The following PPL variants were observed in gnomAD, a reference collection of about 807,000 sequenced individuals.
PPL encodes periplakin.
A neutral mutation model predicts 194.4 loss-of-function variants in PPL; 198 were observed. That is an observed-to-expected ratio of 1.02 (90% CI 0.91 to 1.15). The LOEUF (loss-of-function observed/expected upper bound fraction) is 1.15. Among genes scored for constraint, PPL ranks in the 50% most tolerant of loss-of-function variants. The pLI is 0.00. For synonymous variants in PPL, 1,220 were observed against 972.4 expected (o/e 1.25, Z -4.74); for missense variants, 2,885 against 2,294.8 (o/e 1.26, Z -5.25).
At chr16:4,892,013 A>G (rs771188689) in intron 15 of PPL, 22 bp downstream of exon 15, 7 of 1,611,590 alleles carry the variant, frequency 4.3e-6, no homozygotes, top group Non-Finnish European at 3.4e-6. Context: ...CCCAACCTCC[A>G]TGCTGCCTGT....
intron 1 of PPL, among the ~76,000 whole-genome samples, chr16:4,920,479 A>T (rs562427166): frequency 6.6e-6 from 1 of 151,930 alleles, no homozygotes; most frequent in Non-Finnish European, 1.5e-5. Context: ...TCTTTTTAAA[A>T]TTTTGAAACA....
chr16:4,901,117 G>A (rs747789204), intron 4 of PPL, 28 bp from the exon 5 acceptor site: 3 of 1,612,268 alleles, frequency 1.9e-6, no homozygotes, highest in Non-Finnish European at 2.5e-6. Flanking sequence ...GAAGCAATAA[G>A]GAGAGGGTGG....
chr16:4,904,016 G>T lies in PPL; in HGVS notation c.187C>A (p.Arg63=). The T allele has an allele frequency of 1.2e-6, 2 of 1,612,482 alleles. No homozygotes were observed. The highest frequency in any genetic ancestry group is 1.1e-5 in the South Asian group (1 of 91,020). ...GTCACGTCCCGGTGCTCAGGCTGCC[G>T]ACCCTCCTGCAGCCGAGCCAGGTCC... is the stretch of plus-strand genomic sequence containing the variant. ...QSDLARLQEG[R]QPEHRDVTLQ... Residue 63 remains arginine (R), a synonymous_variant, in exon 3 of 22, where the codon CGG becomes AGG. Transcript: ENST00000345988.
intron 1 of PPL, among the ~76,000 whole-genome samples, chr16:4,928,274 C>G (rs1485509216): frequency 4.6e-5 from 7 of 152,244 alleles, no homozygotes; most frequent in Non-Finnish European, 7.3e-5. Flanking sequence ...TTAGTAGGGA[C>G]AGGGTTTCAC....
chr16:4,927,878 G>A (rs2089179250), intron 1 of PPL, among the ~76,000 whole-genome samples: 1 of 152,186 alleles, frequency 6.6e-6, no homozygotes, highest in Admixed American at 6.5e-5. Flanking sequence ...AGCTGCTTCA[G>A]GTAACACCAA....
In PPL at chr16:4,890,825, G is replaced by A. The variant is rs751451279; in HGVS notation, c.2065C>T (p.Arg689Cys). ...AGGTCCGGACAGTGCTCCTGGAAGCGGCTGGCCAGTGTGCTCGAGCACTGC... is the reference window on the plus strand; with the variant it reads ...AGGTCCGGACAGTGCTCCTGGAAGCAGCTGGCCAGTGTGCTCGAGCACTGC... Reference protein sequence around the residue: ...AKQCSSTLASRFQEHCPDLER... With the variant: ...AKQCSSTLASCFQEHCPDLER... The change falls in exon 17 of 22, where the codon CGC becomes TGC. Residue 689 changes from arginine to cysteine, a missense_variant. Physicochemically the swap from Arg to Cys is radical, Grantham distance 180. Coordinates refer to ENST00000345988, the MANE Select transcript of PPL (RefSeq NM_002705.5). 3.8e-5 allele frequency: 60 copies of A among 1,586,900 alleles called. No individual in the cohort carries two copies. Among genetic ancestry groups the A allele is most frequent in the Non-Finnish European group, 4.4e-5 (51 of 1,166,994 alleles).
intron 17 of PPL, 77 bp from the exon 18 acceptor site, chr16:4,890,411 G>A: frequency 6.9e-7 from 1 of 1,452,278 alleles, no homozygotes. Context: ...TTTTTAAAGT[G>A]GGAAACAACC....
intron 3 of PPL, among the ~76,000 whole-genome samples, chr16:4,903,643 T>C (rs1041841840): frequency 1.3e-5 from 2 of 150,348 alleles, no homozygotes; most frequent in Non-Finnish European, 3.0e-5. Context: ...TAGCTTGAAC[T>C]GGGGAGGCAG....
intron 2 of PPL, among the ~76,000 whole-genome samples, chr16:4,909,414 C>G (rs1331210208): frequency 6.8e-6 from 1 of 146,840 alleles, no homozygotes; most frequent in Admixed American, 6.9e-5. Flanking sequence ...TCCCACTCCT[C>G]TGGTCCCACC....
At chr16:4,891,629 A>G in intron 16 of PPL, 182 bp downstream of exon 16, 1 of 698,006 alleles carries the variant, frequency 1.4e-6, no homozygotes, top group South Asian at 2.3e-5. Context: ...CGTAAGTCAC[A>G]CAGATCCCGT....
rs767105095 is a variant in PPL at position 4,885,796 on chromosome 16, C to T, written c.2859G>A (p.Leu953=). The change falls in exon 22 of 22, where the codon CTG becomes CTA. Residue 953 remains leucine, a synonymous_variant. Coordinates refer to ENST00000345988, the MANE Select transcript of PPL (RefSeq NM_002705.5). The surrounding 1 kb of genome is among the most constrained non-coding windows in gnomAD (Gnocchi z 6.3). ...DPVLEESFQQ[L]QRTLAEEQHK... ...GCTGCTCCTCTGCCAGCGTCCGCTG[C>T]AGCTGCTGGAAGCTCTCCTCCAGCA... The T allele has an allele frequency of 6.2e-7, 1 of 1,609,536 alleles. No individual in the cohort carries two copies. Among genetic ancestry groups the T allele is most frequent in the Non-Finnish European group, 8.5e-7 (1 of 1,179,994 alleles).
rs748788445 is a variant in PPL, at chr16:4,885,303, GC to G, written c.3351del (p.Leu1118SerfsTer114). ...MAEGKITVKE[V>X]LKVEKDAATE... ...GTGGCCGCGTCCTTCTCCACCTTGA[GC>G]ACCTCCTTGACGGTGATCTTGCCCT... On this transcript the variant is annotated frameshift_variant, in exon 22 of 22. Transcript: ENST00000345988. LOFTEE classifies it high-confidence loss of function. This position sits in a 1 kb window ranked among gnomAD's most constrained non-coding sequence, Gnocchi z 6.3. 6.2e-7 allele frequency: 1 copy of G among 1,611,984 alleles called. No individual in the cohort carries two copies. Among genetic ancestry groups the G allele is most frequent in the Non-Finnish European group, 8.5e-7 (1 of 1,179,940 alleles).
intron 4 of PPL, among the ~76,000 whole-genome samples, chr16:4,901,770 T>C (rs2088576356): frequency 6.7e-6 from 1 of 149,960 alleles, no homozygotes; most frequent in Non-Finnish European, 1.5e-5. Flanking sequence ...CAAAGCCCCG[T>C]CTCTATAAAA....
Position 4,885,655 on chromosome 16 carries a change from G to C in PPL, c.3000C>G (p.Ile1000Met), listed in dbSNP as rs749462562. 1.7e-5 allele frequency: 27 copies of C among 1,612,608 alleles called. No homozygotes were observed. In the Admixed American group the frequency reaches 4.5e-4, roughly 27 times the overall value. ...CATCCGCCTGGGCCCTGTCAGGCTC[G>C]ATGCGCAGGACCTCCTTGACCACGT... ...QEYVVKEVLRIEPDRAQADEV... is the reference protein window; with the variant it reads ...QEYVVKEVLRMEPDRAQADEV... The change falls in exon 22 of 22, where the codon ATC (isoleucine) becomes ATG (methionine). Residue 1000 changes from isoleucine to methionine, a missense_variant. Physicochemically the swap from Ile to Met is conservative, Grantham distance 10. Coordinates refer to ENST00000345988, the MANE Select transcript of PPL (RefSeq NM_002705.5). The surrounding 1 kb of genome is among the most constrained non-coding windows in gnomAD (Gnocchi z 6.3).
Position 4,887,177 on chromosome 16 carries a change from C to CT in PPL, c.2564dup (p.Arg856GlufsTer23). On this transcript the variant is annotated frameshift_variant, in exon 21 of 22. Transcript: ENST00000345988. LOFTEE classifies it high-confidence loss of function. ...GAGCAAACTCCAGATTCTGCAGCCT[C>CT]TGTCTGTTGATGGCATAAACTTCAG... The CT allele has an allele frequency of 1.2e-6, 2 of 1,614,182 alleles. No individual in the cohort carries two copies. The highest frequency in any genetic ancestry group is 1.7e-6 in the Non-Finnish European group (2 of 1,180,000).
In PPL at chr16:4,885,469, A is replaced by T. The variant is rs1044575807; in HGVS notation, c.3186T>A (p.Asn1062Lys). ...VTEKEVVKLQ[N>K]DPQLEAEYQQ... ...GGTACTCTGCCTCCAGCTGGGGGTC[A>T]TTCTGCAGTTTCACCACCTCTTTCT... The change falls in exon 22 of 22, where the codon AAT becomes AAA. Residue 1062 changes from asparagine (N) to lysine (K), a missense_variant. Coordinates refer to ENST00000345988, the MANE Select transcript of PPL (RefSeq NM_002705.5). This position sits in a 1 kb window ranked among gnomAD's most constrained non-coding sequence, Gnocchi z 6.3. The T allele has an allele frequency of 1.2e-6, 2 of 1,611,682 alleles. No individual in the cohort carries two copies. The highest frequency in any genetic ancestry group is 1.7e-6 in the Non-Finnish European group (2 of 1,179,764).
At chr16:4,888,885 G>C in intron 19 of PPL, 93 bp downstream of exon 19, 3 of 1,274,890 alleles carry the variant, frequency 2.4e-6, no homozygotes, top group Non-Finnish European at 3.4e-6. Flanking sequence ...CCACCCCCAT[G>C]TGCCAGGGCC....
At chr16:4,933,176 C>T (rs2089247808) in intron 1 of PPL, among the ~76,000 whole-genome samples, 1 of 152,110 alleles carries the variant, frequency 6.6e-6, no homozygotes, top group African/African-American at 2.4e-5. Context: ...TAATAAAACA[C>T]TGTGTTCTTA....
rs144598075 is a variant in PPL at position 4,889,009 on chromosome 16, G to C, written c.2366C>G (p.Ala789Gly). The change falls in exon 19 of 22, where the codon GCC becomes GGC. Residue 789 changes from alanine to glycine, a missense_variant. Transcript: ENST00000345988. ...AGCTTGCTGGTACTGCTGGGAATTG[G>C]CACAGATCTTCTGTACTTCCTGCTC... ...SREQEVQKIC[A>G]NSQQYQQAVK... The C allele has an allele frequency of 9.4e-5, 152 of 1,613,584 alleles. 2 individuals carry two copies. In the African/African-American group the frequency reaches 1.9e-3, roughly 20 times the overall value.
Sources: gnomAD v4.1 joint callset for allele counts (sites outside exome capture counted in the v4.1 genomes callset) on GRCh38, gnomAD v4.1.1 for gene constraint, Gnocchi (gnomAD v3.1) non-coding constraint, MANE v1.5 for transcripts, NCBI Gene and HGNC (gene_info 2026-07-23, HGNC 2026-07-21) for gene names.